The following JAK1 variants were observed in gnomAD, a reference collection of about 807,000 sequenced individuals.
JAK1 encodes the protein tyrosine-protein kinase JAK1.
JAK1 carries 16 observed loss-of-function variants against 136.6 expected under a neutral mutation model. The ratio of observed to expected loss-of-function variants is 0.12; its 90% CI spans 0.08 to 0.18. The LOEUF (loss-of-function observed/expected upper bound fraction) is 0.18, where lower values mean the gene tolerates loss of function less well. Among genes scored for constraint, JAK1 ranks in the 10% least tolerant of loss-of-function variants. The pLI, the probability that JAK1 is intolerant of heterozygous loss-of-function variation, is 1.00. For synonymous variants in JAK1, 492 were observed against 519.5 expected, an observed-to-expected ratio of 0.95 and a Z score of 0.72; for missense variants, 859 against 1,450.1, an observed-to-expected ratio of 0.59 and a Z score of 6.62.
intron 1 of JAK1, among the ~76,000 whole-genome samples, chr1:64,927,899 G>A (rs377406907): frequency 2.0e-5 from 3 of 152,222 alleles, no homozygotes; most frequent in East Asian, 1.9e-4. Context: ...AGGTAAGAAA[G>A]TGATGGCTGA....
intron 1 of JAK1, among the ~76,000 whole-genome samples, chr1:64,915,055 T>C (rs1645370108): frequency 6.6e-6 from 1 of 152,170 alleles, no homozygotes; most frequent in Non-Finnish European, 1.5e-5. Context: ...TTATTTTACC[T>C]GCCTCTCTTC....
chr1:64,856,603 A>G (rs1294565543), intron 10 of JAK1, among the ~76,000 whole-genome samples: 1 of 152,136 alleles, frequency 6.6e-6, no homozygotes, highest in Non-Finnish European at 1.5e-5. Context: ...GGGCTGTCTC[A>G]TGCACCCCTC....
chr1:64,960,366 G>A (rs1028443732), intron 1 of JAK1, among the ~76,000 whole-genome samples: 1 of 152,166 alleles, frequency 6.6e-6, no homozygotes, highest in Non-Finnish European at 1.5e-5. Flanking sequence ...TATGGATAAG[G>A]AAACAGGCGT....
chr1:64,843,686 T>G (rs1318926207), intron 17 of JAK1, among the ~76,000 whole-genome samples: 2 of 152,102 alleles, frequency 1.3e-5, no homozygotes, highest in African/African-American at 4.8e-5. Context: ...TTTCCCAAGC[T>G]TGATGCCTGA....
chr1:64,957,943 C>A (rs1646220227), intron 1 of JAK1, among the ~76,000 whole-genome samples: 2 of 146,948 alleles, frequency 1.4e-5, no homozygotes, highest in African/African-American at 5.0e-5. Flanking sequence ...GACTCCGTCT[C>A]AAAAAAAAAA....
chr1:64,847,312 G>A (rs969382731), intron 13 of JAK1, among the ~76,000 whole-genome samples: 2 of 152,174 alleles, frequency 1.3e-5, no homozygotes, highest in Admixed American at 1.3e-4. Context: ...GGGGGTGGAA[G>A]GGAGGGCACA....
chr1:64,845,008 C>G, intron 15 of JAK1, 119 bp from the exon 16 acceptor site: 3 of 1,352,546 alleles, frequency 2.2e-6, no homozygotes, highest in Non-Finnish European at 3.1e-6. Context: ...GACAGCCTGG[C>G]CCTGCTGCCA....
At chr1:65,063,831 AAAAAG>A (rs924000484) in intron 1 of JAK1, among the ~76,000 whole-genome samples, 19 of 151,846 alleles carry the variant, frequency 1.3e-4, no homozygotes, top group Admixed American at 2.6e-4. Context: ...AAAGAAAGAA[AAAAAG>A]AAAAGAAATT....
intron 2 of JAK1, 62 bp from the exon 3 acceptor site, chr1:64,883,537 A>C: frequency 7.0e-7 from 1 of 1,422,856 alleles, no homozygotes; most frequent in South Asian, 1.2e-5. Flanking sequence ...CTTATGGCAA[A>C]AGGGAGTGTT....
At chr1:64,888,222 G>A (rs757518822) in intron 1 of JAK1, among the ~76,000 whole-genome samples, 173 of 152,218 alleles carry the variant, frequency 1.1e-3, no homozygotes, top group Non-Finnish European at 2.2e-3. Flanking sequence ...TCACTCTGTC[G>A]CCAGGCTGGA....
intron 17 of JAK1, among the ~76,000 whole-genome samples, chr1:64,843,283 C>T (rs755331112): frequency 6.6e-6 from 1 of 152,198 alleles, no homozygotes; most frequent in East Asian, 1.9e-4. Flanking sequence ...GAAACTGATG[C>T]CTGCCCCCTC....
chr1:64,964,521 T>C (rs1001337836), intron 1 of JAK1, among the ~76,000 whole-genome samples: 2 of 152,228 alleles, frequency 1.3e-5, no homozygotes, highest in Non-Finnish European at 2.9e-5. Context: ...AATGTTTGAA[T>C]TATTTTACCT....
intron 2 of JAK1, among the ~76,000 whole-genome samples, chr1:64,988,761 T>C (rs988526340): frequency 2.0e-5 from 3 of 151,728 alleles, no homozygotes; most frequent in Non-Finnish European, 2.9e-5. Context: ...TGGTGGTGCA[T>C]GCCTGTAGTC....
intron 1 of JAK1, among the ~76,000 whole-genome samples, chr1:64,928,583 G>T (rs766063727): frequency 5.9e-5 from 9 of 151,842 alleles, no homozygotes; most frequent in African/African-American, 1.5e-4. Flanking sequence ...ATAGCTTAGA[G>T]GAGCATAAAG....
At chr1:64,864,362 A>G (rs367759104) in intron 8 of JAK1, among the ~76,000 whole-genome samples, 5 of 152,358 alleles carry the variant, frequency 3.3e-5, no homozygotes, top group African/African-American at 1.2e-4. Context: ...CTGACACCAT[A>G]TCGATGACTG....
intron 2 of JAK1, among the ~76,000 whole-genome samples, chr1:65,033,953 T>G (rs746194560): frequency 1.3e-5 from 2 of 152,036 alleles, no homozygotes; most frequent in Non-Finnish European, 2.9e-5. Flanking sequence ...TAATAAGGAG[T>G]AGACATAATG....
intron 1 of JAK1, among the ~76,000 whole-genome samples, chr1:64,905,055 C>T (rs1431952818): frequency 1.3e-5 from 2 of 152,176 alleles, no homozygotes; most frequent in Non-Finnish European, 2.9e-5. Flanking sequence ...GGCCCCTTTC[C>T]TCAACTCCCT....
chr1:65,003,727 CCT>C (rs1233499446), intron 2 of JAK1: 2 of 143,900 alleles, frequency 1.4e-5, no homozygotes, highest in Non-Finnish European at 3.0e-5. Context: ...TGCGTTTTCC[CCT>C]CTTTATGAAA....
intron 2 of JAK1, among the ~76,000 whole-genome samples, chr1:64,980,307 C>T (rs1265111948): frequency 1.3e-5 from 2 of 152,210 alleles, no homozygotes; most frequent in African/African-American, 4.8e-5. Context: ...CTCTGTTTTG[C>T]ACCATGTTAC....
Sources: allele counts gnomAD v4.1 joint callset (sites outside exome capture counted in the v4.1 genomes callset), GRCh38; gene constraint gnomAD v4.1.1; transcripts MANE v1.5; gene names NCBI Gene and HGNC (gene_info 2026-07-23, HGNC 2026-07-21).